Variants in KRT10 observed in about 807,000 individuals in gnomAD.
The protein encoded by KRT10 is keratin, type I cytoskeletal 10.
In KRT10, 40 loss-of-function variants were observed where a neutral mutation model predicts 59.2. The observed-to-expected ratio is 0.68, with a 90% CI of 0.52 to 0.88. KRT10 has a LOEUF of 0.88. KRT10 is among the 40% of genes least tolerant of loss of function. The pLI, the probability that KRT10 is intolerant of heterozygous loss-of-function variation, is 0.00. For missense variants in KRT10, 719 were observed against 749.1 expected (o/e 0.96, Z 0.47); for synonymous variants, 336 against 310.7 (o/e 1.08, Z -0.86).
In KRT10 at chr17:40,821,101, G is replaced by T; in HGVS notation, c.644C>A (p.Thr215Asn). ...CTGAAGCAGGATGTTGGCATTATCAGTTGTTAGGTTGAGAATCTGGAGGGA... is the reference window on the plus strand; with the variant it reads ...CTGAAGCAGGATGTTGGCATTATCATTTGTTAGGTTGAGAATCTGGAGGGA... ...DLKNQILNLT[T>N]DNANILLQID... The change falls in exon 2 of 8, where the codon ACT (threonine) becomes AAT (asparagine). Residue 215 changes from threonine (T) to asparagine (N), a missense_variant. This residue lies in a region of KRT10 where 221 missense variants were observed against 277.8 expected (regional missense o/e 0.80). Coordinates refer to ENST00000269576, the MANE Select transcript of KRT10 (RefSeq NM_000421.5). 6.2e-7 allele frequency: 1 copy of T among 1,613,754 alleles called. No individual in the cohort carries two copies. The highest frequency in any genetic ancestry group is 8.5e-7 in the Non-Finnish European group (1 of 1,179,658).
intron 7 of KRT10, 109 bp from the exon 8 acceptor site, chr17:40,818,591 A>C (rs1220899126): frequency 1.6e-5 from 20 of 1,247,876 alleles, no homozygotes; most frequent in Non-Finnish European, 2.0e-5. Flanking sequence ...TGTTAAGCCC[A>C]AAAAAATGCT....
At chr17:40,820,999 G>A (rs201624860) in intron 2 of KRT10, 36 bp downstream of exon 2, 42 of 1,480,830 alleles carry the variant, frequency 2.8e-5, no homozygotes, top group Non-Finnish European at 3.8e-5. Flanking sequence ...TGATGTATTC[G>A]TTGTGATAGT....
At chr17:40,819,242 A>C in intron 6 of KRT10, 81 bp from the exon 7 acceptor site, 1 of 1,583,602 alleles carries the variant, frequency 6.3e-7, no homozygotes, top group Non-Finnish European at 8.5e-7. Flanking sequence ...TAATTTAGAA[A>C]ATAAGCAAAA....
rs28411890 is a variant in KRT10 at position 40,822,542 on chromosome 17, C to T, written c.44G>A (p.Arg15His). The T allele has an allele frequency of 6.0e-4, 967 of 1,607,246 alleles. 3 individuals are homozygous for T. In the African/African-American group the frequency reaches 0.012, roughly 19 times the overall value. The change falls in exon 1 of 8, where the codon CGC becomes CAC. Residue 15 changes from arginine (R) to histidine (H), a missense_variant. Physicochemically the swap from Arg to His is conservative, Grantham distance 29. Coordinates refer to ENST00000269576, the MANE Select transcript of KRT10 (RefSeq NM_000421.5). Reference protein sequence around the residue: ...YSSSKHYSSSRSGGGGGGGGC... With the variant: ...YSSSKHYSSSHSGGGGGGGGC... The stretch of plus-strand genomic sequence containing the variant: ...TCCTCCTCCTCCTCCTCCTCCACTG[C>T]GGGAGGAAGAGTAGTGCTTGCTTGA...
At chr17:40,821,190 T>A in intron 1 of KRT10, 73 bp from the exon 2 acceptor site, 1 of 1,061,270 alleles carries the variant, frequency 9.4e-7, no homozygotes. Context: ...ATAGATGCAC[T>A]CTGCACTTTT....
Position 40,822,260 on chromosome 17 carries a change from C to T in KRT10, c.326G>A (p.Gly109Asp). Residue 109 changes from glycine (G) to aspartate (D), a missense_variant, in exon 1 of 8, where the codon GGT becomes GAT. Gly to Asp is a moderately conservative substitution (Grantham distance 94). Coordinates refer to ENST00000269576, the MANE Select transcript of KRT10 (RefSeq NM_000421.5). ...GGIFGGGSFG[G>D]GSFGGGSFGG... Reference sequence around the variant, plus strand: ...AAAGCTGCCCCCACCAAAGCTGCCACCTCCGAAACTGCCCCCTCCAAAGAT... The same window carrying T: ...AAAGCTGCCCCCACCAAAGCTGCCATCTCCGAAACTGCCCCCTCCAAAGAT... 1 of 1,604,502 alleles carries T rather than the reference C, an allele frequency of 6.2e-7. No individual in the cohort carries two copies. Among genetic ancestry groups the T allele is most frequent in the Non-Finnish European group, 8.5e-7 (1 of 1,172,724 alleles).
Sources: gnomAD v4.1 joint callset for allele counts on GRCh38, gnomAD v4.1.1 for gene constraint, gnomAD v4.1.1 regional missense constraint, MANE v1.5 for transcripts, NCBI Gene and HGNC (gene_info 2026-07-23, HGNC 2026-07-21) for gene names.